Variants in DIAPH3 observed in about 807,000 individuals in gnomAD.
DIAPH3 encodes protein diaphanous homolog 3.
DIAPH3 carries 117 observed loss-of-function variants against 144.3 expected under a neutral mutation model. The observed-to-expected ratio is 0.81, with a 90% CI of 0.70 to 0.95. The LOEUF is 0.95. Ranked by LOEUF, DIAPH3 falls within the 40% of genes least tolerant of loss-of-function variation. The probability of loss-of-function intolerance (pLI) is 0.00; values close to 1 mark genes in which losing one functional copy is unlikely to be tolerated. For synonymous variants in DIAPH3, 519 were observed against 488.9 expected (o/e 1.06, Z -0.81); for missense variants, 1,421 against 1,412.7 (o/e 1.01, Z -0.09).
chr13:60,048,596 T>A (rs1034913748), intron 4 of DIAPH3, among the ~76,000 whole-genome samples: 1 of 151,052 alleles, frequency 6.6e-6, no homozygotes, highest in East Asian at 2.0e-4. Context: ...AATGATACTA[T>A]CACCCTGGAA....
chr13:59,889,635 C>A (rs1454863558), intron 20 of DIAPH3, among the ~76,000 whole-genome samples: 1 of 151,866 alleles, frequency 6.6e-6, no homozygotes, highest in African/African-American at 2.4e-5. Flanking sequence ...ATAATACATC[C>A]CATTTTATTA....
chr13:59,956,953 T>C (rs995400698), intron 17 of DIAPH3, among the ~76,000 whole-genome samples: 1 of 152,138 alleles, frequency 6.6e-6, no homozygotes. Context: ...TGTAGACCCT[T>C]TGATTTGGCC....
chr13:59,958,597 A>G (rs888552465), intron 17 of DIAPH3, among the ~76,000 whole-genome samples: 4 of 152,038 alleles, frequency 2.6e-5, no homozygotes, highest in South Asian at 2.1e-4. Flanking sequence ...AAAAACATAT[A>G]TGAAATAAAA....
intron 7 of DIAPH3, among the ~76,000 whole-genome samples, chr13:60,011,217 A>G (rs1247823625): frequency 6.6e-6 from 1 of 152,192 alleles, no homozygotes; most frequent in African/African-American, 2.4e-5. Context: ...ACAGCTGACA[A>G]TTATTAAGAC....
At chr13:59,950,866 C>T (rs756697314) in intron 17 of DIAPH3, among the ~76,000 whole-genome samples, 18 of 151,936 alleles carry the variant, frequency 1.2e-4, no homozygotes, top group Non-Finnish European at 2.6e-4. Flanking sequence ...GCAGTATAAA[C>T]ACTGCTAGAA....
At chr13:60,063,769 A>C (rs753435898) in intron 4 of DIAPH3, among the ~76,000 whole-genome samples, 16 of 152,088 alleles carry the variant, frequency 1.1e-4, no homozygotes, top group Non-Finnish European at 2.1e-4. Context: ...TCTACTAAAA[A>C]ATACACAAAA....
At chr13:59,891,170 A>G (rs531975414) in intron 20 of DIAPH3, among the ~76,000 whole-genome samples, 7 of 152,072 alleles carry the variant, frequency 4.6e-5, no homozygotes, top group Non-Finnish European at 1.0e-4. Flanking sequence ...CCTAGGCACT[A>G]GATGAAAGTC....
chr13:59,783,582 G>C (rs549246698), intron 25 of DIAPH3, among the ~76,000 whole-genome samples: 1 of 152,278 alleles, frequency 6.6e-6, no homozygotes, highest in East Asian at 1.9e-4. Context: ...ATAGTAAAGT[G>C]GTAGAGAACA....
intron 4 of DIAPH3, among the ~76,000 whole-genome samples, chr13:60,079,738 A>G (rs2057488942): frequency 6.6e-6 from 1 of 152,026 alleles, no homozygotes; most frequent in Non-Finnish European, 1.5e-5. Flanking sequence ...TTGTGAATAC[A>G]TACTTGTATA....
chr13:59,894,153 C>A (rs1176913053), intron 20 of DIAPH3, among the ~76,000 whole-genome samples: 3 of 151,858 alleles, frequency 2.0e-5, no homozygotes, highest in Non-Finnish European at 2.9e-5. Context: ...CTCTGCCCTT[C>A]AGTAATAAAG....
rs1039012267 is a variant in DIAPH3 at position 59,994,492 on chromosome 13, A to T, written c.1015-1909T>A. Among the ~76,000 whole-genome samples the T allele has an allele frequency of 2.6e-5, 4 of 152,100 alleles. No homozygotes were observed. In the East Asian group the frequency reaches 7.8e-4, roughly 30 times the overall value. On this transcript the variant is annotated intron_variant, in intron 9 of 27. Transcript: ENST00000400324. ...AGATATCGAGAAACGTTAAAAAACT[A>T]CAAAGGTTAACAGGACATTTTGCCT... is the stretch of plus-strand genomic sequence containing the variant.
intron 4 of DIAPH3, among the ~76,000 whole-genome samples, chr13:60,045,784 T>C (rs933679046): frequency 1.3e-5 from 2 of 152,192 alleles, no homozygotes; most frequent in South Asian, 4.1e-4. Context: ...ACTGAATAAA[T>C]AGATTTTTTT....
intron 4 of DIAPH3, among the ~76,000 whole-genome samples, chr13:60,067,097 A>C (rs1237759887): frequency 1.3e-5 from 2 of 152,076 alleles, no homozygotes; most frequent in Non-Finnish European, 2.9e-5. Context: ...TGGGCAACAA[A>C]ATGAGACCCC....
intron 4 of DIAPH3, among the ~76,000 whole-genome samples, chr13:60,043,574 A>G (rs1049360261): frequency 1.3e-5 from 2 of 152,216 alleles, no homozygotes; most frequent in Non-Finnish European, 2.9e-5. Flanking sequence ...GGAGTGATAG[A>G]GCACTACTAT....
chr13:60,105,125 A>AAAAAAAAAAAC (rs2058383698), intron 3 of DIAPH3, among the ~76,000 whole-genome samples: 27 of 148,624 alleles, frequency 1.8e-4, no homozygotes, highest in African/African-American at 6.2e-4. Flanking sequence ...AAAAAAAAAA[A>AAAAAAAAAAAC]CTGCCAGTGA....
At chr13:59,707,641 T>C (rs1048060889) in intron 27 of DIAPH3, among the ~76,000 whole-genome samples, 3 of 152,214 alleles carry the variant, frequency 2.0e-5, no homozygotes, top group Admixed American at 6.5e-5. Flanking sequence ...TTAAATATAC[T>C]GTACGATTCG....
chr13:59,966,726 G>C (rs894801932), intron 17 of DIAPH3, among the ~76,000 whole-genome samples: 1 of 152,152 alleles, frequency 6.6e-6, no homozygotes, highest in Non-Finnish European at 1.5e-5. Flanking sequence ...TACCCAATTT[G>C]AATGCTTGGG....
intron 22 of DIAPH3, among the ~76,000 whole-genome samples, chr13:59,847,534 T>G (rs2042714737): frequency 6.6e-6 from 1 of 152,200 alleles, no homozygotes; most frequent in South Asian, 2.1e-4. Context: ...GAAATCATGT[T>G]TACCTATAAG....
chr13:59,968,148 G>C (rs2050161440), intron 17 of DIAPH3, among the ~76,000 whole-genome samples: 1 of 152,148 alleles, frequency 6.6e-6, no homozygotes, highest in Admixed American at 6.5e-5. Flanking sequence ...GCTAAAGTTA[G>C]ATGACTTAAG....
Sources: gnomAD v4.1 joint callset for allele counts (sites outside exome capture counted in the v4.1 genomes callset) on GRCh38, gnomAD v4.1.1 for gene constraint, MANE v1.5 for transcripts, NCBI Gene and HGNC (gene_info 2026-07-23, HGNC 2026-07-21) for gene names.